NRP2: variants seen among roughly 807,000 people sequenced by gnomAD.
The protein encoded by NRP2 is neuropilin 2, also known as neuropilin-2.
NRP2 carries 52 observed loss-of-function variants against 110.4 expected under a neutral mutation model. That is an observed-to-expected ratio of 0.47 (90% CI 0.38 to 0.59). NRP2 has a LOEUF of 0.59. Among genes scored for constraint, NRP2 ranks in the 20% least tolerant of loss-of-function variants. The pLI, the probability that NRP2 is intolerant of heterozygous loss-of-function variation, is 0.00. For synonymous variants in NRP2, 508 were observed against 468.9 expected (o/e 1.08, Z -1.08); for missense variants, 1,049 against 1,203.0 (o/e 0.87, Z 1.89).
chr2:205,752,512 G>T (rs1319367914), intron 11 of NRP2: 1 of 365,590 alleles, frequency 2.7e-6, no homozygotes, highest in Non-Finnish European at 5.2e-6. Context: ...TGGCATTTAG[G>T]GAACAGCAAT....
rs2058363400 is a variant in NRP2 at position 205,797,853 on chromosome 2, G to T, written c.*2795G>T. Reference sequence around the variant, plus strand: ...GGCCACAGGGTTGCTTTCTGTCTTTGGTGGGGCAGGGGAGTTGACAGGGAT... The same window carrying T: ...GGCCACAGGGTTGCTTTCTGTCTTTTGTGGGGCAGGGGAGTTGACAGGGAT... On this transcript the variant is annotated 3_prime_UTR_variant, in exon 17 of 17. Transcript: ENST00000357785. 6.5e-6 allele frequency: 1 copy of T among 152,706 alleles called. No homozygotes were observed. The highest frequency in any genetic ancestry group is 6.5e-5 in the Admixed American group (1 of 15,288). The allele number at this position is 152,706 out of a possible 1,614,324, so 9.5% of individuals were successfully genotyped here.
In NRP2 at chr2:205,725,784, A is replaced by G. The variant is rs1404040650; in HGVS notation, c.821-129A>G. The stretch of plus-strand genomic sequence containing the variant: ...ATGTAGTTGTTTTTAAAATGTGAGC[A>G]TATAATTAGGGTCTTTTAAATGAGG... On this transcript the variant is annotated intron_variant, in intron 5 of 16. Transcript: ENST00000357785. The surrounding 1 kb of genome is among the most constrained non-coding windows in gnomAD (Gnocchi z 4.1). The G allele has an allele frequency of 1.2e-5, 11 of 894,386 alleles. No homozygotes were observed. The highest frequency in any genetic ancestry group is 2.0e-5 in the Non-Finnish European group (11 of 544,510). 55.4% of individuals were successfully genotyped at this position (894,386 alleles called of 1,614,324 possible).
intron 9 of NRP2, 100 bp downstream of exon 9, chr2:205,743,652 C>A: frequency 1.3e-6 from 2 of 1,515,102 alleles, no homozygotes; most frequent in South Asian, 2.6e-5. Flanking sequence ...AAACAGTCGT[C>A]ATCCAACTCC....
At chr2:205,789,316 G>T (rs954816887) in intron 15 of NRP2, among the ~76,000 whole-genome samples, 5 of 152,158 alleles carry the variant, frequency 3.3e-5, no homozygotes, top group Admixed American at 6.5e-5. Context: ...AAGGAAACAG[G>T]GTCATGGGAG....
chr2:205,777,174 G>T (rs778285553), intron 15 of NRP2: 5 of 985,662 alleles, frequency 5.1e-6, no homozygotes, highest in Non-Finnish European at 6.0e-6. Flanking sequence ...CTGGGTTTCT[G>T]TTGGCTGTCA....
intron 13 of NRP2, among the ~76,000 whole-genome samples, chr2:205,764,685 C>T (rs1005855642): frequency 1.7e-4 from 26 of 152,110 alleles, no homozygotes; most frequent in African/African-American, 6.3e-4. Flanking sequence ...CTGGGGAGGG[C>T]GAGCATGAGA....
intron 2 of NRP2, among the ~76,000 whole-genome samples, chr2:205,710,493 T>C (rs1185308405): frequency 6.6e-6 from 1 of 152,262 alleles, no homozygotes; most frequent in Non-Finnish European, 1.5e-5. Flanking sequence ...ACCAGCTTTT[T>C]AGTAAATGGG....
In NRP2 at chr2:205,709,995, C is replaced by A. The variant is rs560354628; in HGVS notation, c.252-6198C>A. 7.9e-4 allele frequency among the ~76,000 whole-genome samples: 121 copies of A among 152,336 alleles called. 3 individuals carry two copies. In the South Asian group the frequency reaches 0.021, roughly 26 times the overall value. ...CTTGAAATCATGGATTCCAAATCCGCTCACTTTTCCTGTTGGTGATTTGTC... is the reference window on the plus strand; with the variant it reads ...CTTGAAATCATGGATTCCAAATCCGATCACTTTTCCTGTTGGTGATTTGTC... On this transcript the variant is annotated intron_variant, in intron 2 of 16. Coordinates refer to ENST00000357785, the MANE Select transcript of NRP2 (RefSeq NM_003872.3).
At position 205,795,203 on chromosome 2, in the gene NRP2, C is replaced by T. The variant is rs189595470; in HGVS notation, c.*145C>T. 2.5e-5 allele frequency: 22 copies of T among 888,692 alleles called. No individual in the cohort carries two copies. The highest frequency in any genetic ancestry group is 3.2e-5 in the Non-Finnish European group (18 of 561,546). The allele number at this position is 888,692 out of a possible 1,614,324, so 55.1% of individuals were successfully genotyped here. A position where few individuals can be genotyped will look rare whatever the true frequency, so the allele number is the denominator to read the frequency against. On this transcript the variant is annotated 3_prime_UTR_variant, in exon 17 of 17. Coordinates refer to ENST00000357785, the MANE Select transcript of NRP2 (RefSeq NM_003872.3). ...CGAAGGTATGGACAGGACAGAAAAG[C>T]GAGTCGCAGGAGGAAGGGAGATGCA...
chr2:205,696,213 G>A (rs1295110614), intron 1 of NRP2, among the ~76,000 whole-genome samples: 1 of 152,166 alleles, frequency 6.6e-6, no homozygotes, highest in African/African-American at 2.4e-5. Flanking sequence ...CTAAAGCAGA[G>A]GTCTGGGAGA....
intron 7 of NRP2, among the ~76,000 whole-genome samples, chr2:205,731,120 T>G (rs1293130291): frequency 6.6e-6 from 1 of 152,236 alleles, no homozygotes; most frequent in Non-Finnish European, 1.5e-5. Flanking sequence ...AACCTATGAT[T>G]CTCATACAGG....
chr2:205,783,795 G>A (rs574924980), intron 15 of NRP2, among the ~76,000 whole-genome samples: 3 of 152,352 alleles, frequency 2.0e-5, no homozygotes, highest in African/African-American at 7.2e-5. Context: ...CATTTCTGTG[G>A]TGTGCTGAGA....
chr2:205,776,446 C>A, intron 15 of NRP2: 1 of 1,613,266 alleles, frequency 6.2e-7, no homozygotes, highest in Non-Finnish European at 8.5e-7. Flanking sequence ...CAAAACCTCC[C>A]ACTACACCAA....
At chr2:205,690,651 G>A (rs377291451) in intron 1 of NRP2, among the ~76,000 whole-genome samples, 5 of 150,790 alleles carry the variant, frequency 3.3e-5, no homozygotes, top group African/African-American at 1.2e-4. Context: ...ATGGTGGTGG[G>A]CGCCTATAAT....
At chr2:205,716,519 A>T (rs1320352807) in intron 3 of NRP2, 145 bp downstream of exon 3, 3 of 543,354 alleles carry the variant, frequency 5.5e-6, no homozygotes, top group Non-Finnish European at 9.1e-6. Context: ...ACCCACAAAC[A>T]TCATGAGAAG....
Position 205,771,464 on chromosome 2 carries a change from C to T in NRP2, c.2425+4661C>T, listed in dbSNP as rs151335233. Among the ~76,000 whole-genome samples the T allele has an allele frequency of 9.2e-3, 1,396 of 152,310 alleles. 6 individuals are homozygous for T. Among genetic ancestry groups the T allele is most frequent in the Non-Finnish European group, 0.016 (1,099 of 68,034 alleles). On this transcript the variant is annotated intron_variant, in intron 15 of 16. Transcript: ENST00000357785. Reference sequence around the variant, plus strand: ...ACCTGTACAGAAAGGACTGTGCAGACAGGCCAGTCCTAAAACAATTCTGAC... The same window carrying T: ...ACCTGTACAGAAAGGACTGTGCAGATAGGCCAGTCCTAAAACAATTCTGAC...
At chr2:205,704,392 G>A (rs559454107) in intron 2 of NRP2, among the ~76,000 whole-genome samples, 9 of 152,266 alleles carry the variant, frequency 5.9e-5, no homozygotes, top group African/African-American at 1.7e-4. Flanking sequence ...TATTACTGAC[G>A]TTATTATTTA....
chr2:205,704,608 T>C (rs1297677362), intron 2 of NRP2, among the ~76,000 whole-genome samples: 1 of 152,108 alleles, frequency 6.6e-6, no homozygotes, highest in Non-Finnish European at 1.5e-5. Context: ...CACCCATGGA[T>C]CAGGGGGAAA....
intron 6 of NRP2, among the ~76,000 whole-genome samples, chr2:205,726,673 G>A (rs1376510682): frequency 2.0e-5 from 3 of 152,076 alleles, no homozygotes; most frequent in East Asian, 1.9e-4. Context: ...TAATCTTCCC[G>A]CACTGCACAC....
Sources: allele counts gnomAD v4.1 joint callset (sites outside exome capture counted in the v4.1 genomes callset), GRCh38; gene constraint gnomAD v4.1.1; non-coding constraint Gnocchi (gnomAD v3.1); transcripts MANE v1.5; gene names NCBI Gene and HGNC (gene_info 2026-07-23, HGNC 2026-07-21).